The following MAMDC2 variants were observed in gnomAD, a reference collection of about 807,000 sequenced individuals.
MAMDC2 encodes MAM domain-containing protein 2.
A neutral mutation model predicts 89.8 loss-of-function variants in MAMDC2; 57 were observed. The ratio of observed to expected loss-of-function variants is 0.63; its 90% CI spans 0.51 to 0.79. MAMDC2 has a LOEUF of 0.79. Ranked by LOEUF, MAMDC2 falls within the 30% of genes least tolerant of loss-of-function variation. The probability of loss-of-function intolerance (pLI) is 0.00; values close to 1 mark genes in which losing one functional copy is unlikely to be tolerated. For synonymous variants in MAMDC2, 313 were observed against 293.4 expected, an observed-to-expected ratio of 1.07 and a Z score of -0.68; for missense variants, 800 against 820.6, an observed-to-expected ratio of 0.97 and a Z score of 0.31.
At chr9:70,121,264 G>A (rs1563963390) in intron 5 of MAMDC2, among the ~76,000 whole-genome samples, 1 of 152,218 alleles carries the variant, frequency 6.6e-6, no homozygotes, top group African/African-American at 2.4e-5. Context: ...CTAATACAGA[G>A]GGCTGCTGCA....
intron 11 of MAMDC2, among the ~76,000 whole-genome samples, chr9:70,210,608 T>C (rs1370777776): frequency 6.6e-6 from 1 of 152,250 alleles, no homozygotes; most frequent in Non-Finnish European, 1.5e-5. Flanking sequence ...CTGTGTCTTT[T>C]AATTGGAGCA....
intron 2 of MAMDC2, among the ~76,000 whole-genome samples, chr9:70,101,960 A>G (rs1005933073): frequency 3.9e-5 from 6 of 152,202 alleles, no homozygotes; most frequent in Non-Finnish European, 2.9e-5. Context: ...ACATGGTTTT[A>G]TACGTATTAT....
chr9:70,148,767 C>T (rs965809400), intron 9 of MAMDC2, among the ~76,000 whole-genome samples: 4 of 150,028 alleles, frequency 2.7e-5, no homozygotes, highest in African/African-American at 4.9e-5. Flanking sequence ...CGGTGGCTCA[C>T]GCCTGTAATC....
At chr9:70,195,002 C>G (rs2032949736) in intron 11 of MAMDC2, among the ~76,000 whole-genome samples, 1 of 151,900 alleles carries the variant, frequency 6.6e-6, no homozygotes, top group Non-Finnish European at 1.5e-5. Context: ...AAATATATAA[C>G]CAGTACATCA....
intron 11 of MAMDC2, among the ~76,000 whole-genome samples, chr9:70,208,023 T>G (rs967151117): frequency 4.6e-5 from 7 of 152,220 alleles, no homozygotes; most frequent in African/African-American, 1.7e-4. Context: ...CATGCTGTTT[T>G]GGTTACTGTA....
At chr9:70,200,089 C>T (rs1224530578) in intron 11 of MAMDC2, among the ~76,000 whole-genome samples, 3 of 151,362 alleles carry the variant, frequency 2.0e-5, no homozygotes, top group Non-Finnish European at 3.0e-5. Context: ...GCTTTTGTTG[C>T]CATTGCTTTT....
intron 5 of MAMDC2, among the ~76,000 whole-genome samples, chr9:70,123,053 C>G (rs553275269): frequency 1.3e-5 from 2 of 152,294 alleles, no homozygotes; most frequent in East Asian, 3.9e-4. Flanking sequence ...AGCAAGTTCT[C>G]TTAAAGGGGA....
chr9:70,146,054 C>A (rs2031394713), intron 9 of MAMDC2, among the ~76,000 whole-genome samples: 1 of 152,154 alleles, frequency 6.6e-6, no homozygotes, highest in Admixed American at 6.5e-5. Context: ...AAAACTCCTG[C>A]TCATCACTCC....
At position 70,157,204 on chromosome 9, in the gene MAMDC2, T is replaced by C. The variant is rs73451448; in HGVS notation, c.1405-11498T>C. Reference sequence around the variant, plus strand: ...TGAATATTTCACAGCCGTACAGTCATTGCATTTTAAAGAAATATTTTCCCA... The same window carrying C: ...TGAATATTTCACAGCCGTACAGTCACTGCATTTTAAAGAAATATTTTCCCA... On this transcript the variant is annotated intron_variant, in intron 9 of 13. Coordinates refer to ENST00000377182, the MANE Select transcript of MAMDC2 (RefSeq NM_153267.5). 3.7e-3 allele frequency among the ~76,000 whole-genome samples: 570 copies of C among 152,354 alleles called. 4 individuals carry two copies. Among genetic ancestry groups the C allele is most frequent in the African/African-American group, 0.012 (483 of 41,580 alleles).
intron 5 of MAMDC2, chr9:70,113,928 C>T (rs1828575587): frequency 6.6e-6 from 1 of 152,098 alleles, no homozygotes. Context: ...TCTTTTGATC[C>T]TTTACGCATA....
intron 2 of MAMDC2, among the ~76,000 whole-genome samples, chr9:70,049,781 T>C (rs923067567): frequency 1.3e-5 from 2 of 152,212 alleles, no homozygotes; most frequent in Non-Finnish European, 2.9e-5. Flanking sequence ...TTCCCGCTGC[T>C]GCCCTGGCTG....
In MAMDC2 at chr9:70,052,618, A is replaced by G. The variant is rs3015235; in HGVS notation, c.148+7921A>G. 7.3e-3 allele frequency among the ~76,000 whole-genome samples: 1,111 copies of G among 152,256 alleles called. 17 individuals are homozygous for G. Among genetic ancestry groups the G allele is most frequent in the African/African-American group, 0.025 (1,054 of 41,536 alleles). ...CACCCTGTCACCTCATCAGACTGTTATGTCTCTGAGAACAGGAATCACATC... is the reference window on the plus strand; with the variant it reads ...CACCCTGTCACCTCATCAGACTGTTGTGTCTCTGAGAACAGGAATCACATC... On this transcript the variant is annotated intron_variant, in intron 2 of 13. Transcript: ENST00000377182.
chr9:70,089,822 G>A (rs1827848836), intron 2 of MAMDC2, among the ~76,000 whole-genome samples: 1 of 152,164 alleles, frequency 6.6e-6, no homozygotes, highest in South Asian at 2.1e-4. Context: ...ATTAGCACAT[G>A]ACTTGACCCA....
intron 11 of MAMDC2, among the ~76,000 whole-genome samples, chr9:70,190,942 A>G (rs998606298): frequency 1.3e-5 from 2 of 152,184 alleles, no homozygotes; most frequent in Non-Finnish European, 2.9e-5. Flanking sequence ...TCTGTTCTGT[A>G]TCTTGCACTG....
chr9:70,171,010 C>T (rs546187528), intron 11 of MAMDC2: 2 of 191,152 alleles, frequency 1.0e-5, no homozygotes, highest in African/African-American at 4.6e-5. Flanking sequence ...ACAGGTTTGA[C>T]TCCAAGCTTT....
intron 10 of MAMDC2, 111 bp from the exon 11 acceptor site, chr9:70,170,368 C>T (rs1429817542): frequency 7.9e-7 from 1 of 1,264,486 alleles, no homozygotes; most frequent in African/African-American, 1.5e-5. Context: ...GGCTGCCTCT[C>T]CATCGCATGG....
At chr9:70,089,904 T>C (rs1050883605) in intron 2 of MAMDC2, among the ~76,000 whole-genome samples, 1 of 152,154 alleles carries the variant, frequency 6.6e-6, no homozygotes, top group South Asian at 2.1e-4. Context: ...AAAATGAGCC[T>C]TTTTAACCTA....
At chr9:70,104,578 T>C (rs928711483) in intron 2 of MAMDC2, among the ~76,000 whole-genome samples, 1 of 152,208 alleles carries the variant, frequency 6.6e-6, no homozygotes, top group African/African-American at 2.4e-5. Context: ...AAATAAAATG[T>C]GGTAATCCAT....
chr9:70,166,490 T>C (rs1308618580), intron 9 of MAMDC2, among the ~76,000 whole-genome samples: 2 of 152,102 alleles, frequency 1.3e-5, no homozygotes, highest in East Asian at 3.8e-4. Context: ...TATTATTTTG[T>C]CTTATTTTAT....
Sources: gnomAD v4.1 joint callset for allele counts (sites outside exome capture counted in the v4.1 genomes callset) on GRCh38, gnomAD v4.1.1 for gene constraint, MANE v1.5 for transcripts, NCBI Gene and HGNC (gene_info 2026-07-23, HGNC 2026-07-21) for gene names.